The following AHDC1 variants were observed in gnomAD, a reference collection of about 807,000 sequenced individuals.
AHDC1 encodes AT-hook DNA binding motif containing 1, also known as transcription factor Gibbin.
A neutral mutation model predicts 87.9 loss-of-function variants in AHDC1; 7 were observed. The observed-to-expected ratio is 0.08, with a 90% CI of 0.05 to 0.15. AHDC1 has a LOEUF of 0.15. AHDC1 is among the 10% of genes least tolerant of loss of function. The pLI is 1.00. For synonymous variants in AHDC1, 1,051 were observed against 1,006.8 expected (o/e 1.04, Z -0.83); for missense variants, 1,841 against 2,253.2 (o/e 0.82, Z 3.70).
chr1:27,562,122 G>A lies in AHDC1; in HGVS notation c.-628-3239C>T, dbSNP rs984865743. Among the ~76,000 whole-genome samples, 3 of 152,098 alleles carry A rather than the reference G, an allele frequency of 2.0e-5. No homozygotes were observed. The highest frequency in any genetic ancestry group is 4.4e-5 in the Non-Finnish European group (3 of 67,996). On this transcript the variant is annotated intron_variant, in intron 3 of 8. Transcript: ENST00000673934. This position sits in a 1 kb window ranked among gnomAD's most constrained non-coding sequence, Gnocchi z 4.4. The stretch of plus-strand genomic sequence containing the variant: ...CAGCGAAGCAGAGGCAGGGTGGGCC[G>A]GGGAGAAGGGCCGAGGGGAGGCCTG...
At chr1:27,568,077 C>T (rs1376140438) in intron 3 of AHDC1, 1 of 152,244 alleles carries the variant, frequency 6.6e-6, no homozygotes, top group African/African-American at 2.4e-5. Flanking sequence ...TGAGGCGGGC[C>T]GGTGTCTGTA....
At position 27,549,706 on chromosome 1, in the gene AHDC1, T is replaced by C; in HGVS notation, c.2410A>G (p.Thr804Ala). ...QGTEARAFASTGLESGASGRG... is the reference protein window; with the variant it reads ...QGTEARAFASAGLESGASGRG... ...CCTGAGGCTCCACTCTCCAGCCCAG[T>C]GGAGGCAAAGGCCCGGGCCTCGGTC... is the stretch of plus-strand genomic sequence containing the variant. Residue 804 changes from threonine to alanine, a missense_variant, in exon 8 of 9, where the codon ACT becomes GCT. Around this residue, in one of 13 missense-constraint regions of AHDC1, gnomAD observed 236 missense variants for 257.9 expected, o/e 0.92. Transcript: ENST00000673934. The C allele has an allele frequency of 5.6e-6, 9 of 1,612,816 alleles. No individual in the cohort carries two copies. Among genetic ancestry groups the C allele is most frequent in the Non-Finnish European group, 7.6e-6 (9 of 1,179,966 alleles).
chr1:27,535,729 C>A (rs905770809), intron 8 of AHDC1, among the ~76,000 whole-genome samples: 1 of 152,094 alleles, frequency 6.6e-6, no homozygotes, highest in Non-Finnish European at 1.5e-5. Context: ...CTCAGACACT[C>A]CCAAGTTCCC....
rs887132609 is a variant in AHDC1, at chr1:27,593,872, G to A, written c.-629+9525C>T. On this transcript the variant is annotated intron_variant, in intron 3 of 8. Coordinates refer to ENST00000673934, the MANE Select transcript of AHDC1 (RefSeq NM_001371928.1). This position sits in a 1 kb window ranked among gnomAD's most constrained non-coding sequence, Gnocchi z 4.9. ...GGACTTGCTGGGCTGGGACACAGGCGATGTCTTGGGGACCCTTCCCACAGC... is the reference window on the plus strand; with the variant it reads ...GGACTTGCTGGGCTGGGACACAGGCAATGTCTTGGGGACCCTTCCCACAGC... Among the ~76,000 whole-genome samples, 5 of 152,206 alleles carry A rather than the reference G, an allele frequency of 3.3e-5. No individual in the cohort carries two copies. The highest frequency in any genetic ancestry group is 1.2e-4 in the African/African-American group (5 of 41,446).
At chr1:27,586,313 G>A (rs1366590947) in intron 3 of AHDC1, among the ~76,000 whole-genome samples, 1 of 151,562 alleles carries the variant, frequency 6.6e-6, no homozygotes, top group Admixed American at 6.6e-5. Context: ...TGAGATGGGA[G>A]GAGAGGACCC....
At position 27,575,135 on chromosome 1, in the gene AHDC1, G is replaced by C. The variant is rs1156488706; in HGVS notation, c.-628-16252C>G. ...CAAGAAGCTCCAGTCCGCAGGCCCA[G>C]CACTTCTCAGGGCCCGAAGAGCCCG... On this transcript the variant is annotated intron_variant, in intron 3 of 8. Transcript: ENST00000673934. Among the ~76,000 whole-genome samples, 3 of 152,148 alleles carry C rather than the reference G, an allele frequency of 2.0e-5. No homozygotes were observed. In the East Asian group the frequency reaches 5.8e-4, roughly 29 times the overall value.
In AHDC1 at chr1:27,595,032, G is replaced by A. The variant is rs183805604; in HGVS notation, c.-629+8365C>T. Among the ~76,000 whole-genome samples the A allele has an allele frequency of 1.6e-4, 25 of 152,242 alleles. No homozygotes were observed. In the East Asian group the frequency reaches 4.6e-3, roughly 28 times the overall value. The stretch of plus-strand genomic sequence containing the variant: ...CCGGGCCATTAGGACTGCCTGTCGA[G>A]GAGGTGCCGGGATCCAGGAGGCAGT... On this transcript the variant is annotated intron_variant, in intron 3 of 8. Coordinates refer to ENST00000673934, the MANE Select transcript of AHDC1 (RefSeq NM_001371928.1). The surrounding 1 kb of genome is among the most constrained non-coding windows in gnomAD (Gnocchi z 4.0).
intron 5 of AHDC1, among the ~76,000 whole-genome samples, chr1:27,557,777 A>T (rs150838061): frequency 2.7e-3 from 407 of 152,236 alleles, no homozygotes; most frequent in Non-Finnish European, 3.9e-3. Flanking sequence ...CCTGCCCAGT[A>T]CACACCCAGA....
rs563340018 is a variant in AHDC1, at chr1:27,547,667, C to T, written c.4449G>A (p.Val1483=). The change falls in exon 8 of 9, where the codon GTG becomes GTA. Residue 1483 remains valine, a synonymous_variant. Coordinates refer to ENST00000673934, the MANE Select transcript of AHDC1 (RefSeq NM_001371928.1). The surrounding 1 kb of genome is among the most constrained non-coding windows in gnomAD (Gnocchi z 4.9). ...GGAAGTCAGCCAGCAGCCCTGTACC[C>T]ACCTTGCCTTCATAGGGCGGGCTGC... ...AARSPPYEGK[V]GTGLLADFLG... is the part of the protein sequence containing the mutation. 4.4e-6 allele frequency: 7 copies of T among 1,595,798 alleles called. No homozygotes were observed. In the East Asian group the frequency reaches 6.8e-5, roughly 16 times the overall value.
chr1:27,584,552 G>T (rs1045345313), intron 3 of AHDC1, among the ~76,000 whole-genome samples: 1 of 152,156 alleles, frequency 6.6e-6, no homozygotes, highest in African/African-American at 2.4e-5. Context: ...GTTGAGAATT[G>T]ACCACACCTA....
At chr1:27,597,090 C>T (rs187521276) in intron 3 of AHDC1, among the ~76,000 whole-genome samples, 207 of 152,330 alleles carry the variant, frequency 1.4e-3, no homozygotes, top group Middle Eastern at 3.4e-3. Flanking sequence ...GAAGGGCTCT[C>T]ACCGACTGAG....
intron 8 of AHDC1, among the ~76,000 whole-genome samples, chr1:27,535,706 T>C (rs1011902398): frequency 1.3e-5 from 2 of 152,156 alleles, no homozygotes; most frequent in Non-Finnish European, 2.9e-5. Flanking sequence ...GGCTTAACCC[T>C]GCCTTCCTGA....
chr1:27,557,160 T>C (rs879335405), intron 5 of AHDC1, among the ~76,000 whole-genome samples: 34 of 147,492 alleles, frequency 2.3e-4, no homozygotes, highest in Non-Finnish European at 4.6e-4. Flanking sequence ...GCCAGGTGTG[T>C]GGGCGCCACC....
chr1:27,568,411 G>A (rs1275648376), intron 3 of AHDC1, among the ~76,000 whole-genome samples: 2 of 152,160 alleles, frequency 1.3e-5, no homozygotes. Flanking sequence ...CTTGTGAGGA[G>A]CTTCACGGGA....
At chr1:27,568,558 C>A (rs1233158006) in intron 3 of AHDC1, among the ~76,000 whole-genome samples, 1 of 152,194 alleles carries the variant, frequency 6.6e-6, no homozygotes, top group Non-Finnish European at 1.5e-5. Flanking sequence ...ACCCACGGCG[C>A]GTCCCGAACA....
In AHDC1 at chr1:27,561,270, T is replaced by C. The variant is rs2020065961; in HGVS notation, c.-628-2387A>G. ...ATTCAGGCCCCCACAGCTCGGCTCA[T>C]CTTGGCCCTGTTCTCCTACATATGG... On this transcript the variant is annotated intron_variant, in intron 3 of 8. Coordinates refer to ENST00000673934, the MANE Select transcript of AHDC1 (RefSeq NM_001371928.1). The surrounding 1 kb of genome is among the most constrained non-coding windows in gnomAD (Gnocchi z 4.2). Among the ~76,000 whole-genome samples the C allele has an allele frequency of 1.3e-5, 2 of 152,142 alleles. No individual in the cohort carries two copies. The highest frequency in any genetic ancestry group is 6.5e-5 in the Admixed American group (1 of 15,278).
In AHDC1 at chr1:27,563,981, G is replaced by A. The variant is rs1483942740; in HGVS notation, c.-628-5098C>T. On this transcript the variant is annotated intron_variant, in intron 3 of 8. Coordinates refer to ENST00000673934, the MANE Select transcript of AHDC1 (RefSeq NM_001371928.1). This position sits in a 1 kb window ranked among gnomAD's most constrained non-coding sequence, Gnocchi z 6.1. ...ACTGCTTAGAGATCAGTGGGGAGTA[G>A]GGCGGTTAGGGGTTGCTATCACCAT... 6.6e-6 allele frequency among the ~76,000 whole-genome samples: 1 copy of A among 152,196 alleles called. No individual in the cohort carries two copies. Among genetic ancestry groups the A allele is most frequent in the Non-Finnish European group, 1.5e-5 (1 of 68,028 alleles).
chr1:27,599,916 T>C (rs1198761358), intron 3 of AHDC1, among the ~76,000 whole-genome samples: 1 of 151,702 alleles, frequency 6.6e-6, no homozygotes, highest in Non-Finnish European at 1.5e-5. Flanking sequence ...CCACCTGTCC[T>C]CCTCCCTCTT....
intron 5 of AHDC1, among the ~76,000 whole-genome samples, chr1:27,554,101 A>C (rs779924739): frequency 2.0e-5 from 3 of 152,130 alleles, no homozygotes; most frequent in Non-Finnish European, 4.4e-5. Flanking sequence ...TTGTTGCATG[A>C]ATGAACGCAC....
Sources: gnomAD v4.1 joint callset for allele counts (sites outside exome capture counted in the v4.1 genomes callset) on GRCh38, gnomAD v4.1.1 for gene constraint, gnomAD v4.1.1 regional missense constraint, Gnocchi (gnomAD v3.1) non-coding constraint, MANE v1.5 for transcripts, NCBI Gene and HGNC (gene_info 2026-07-23, HGNC 2026-07-21) for gene names.